The following HIVEP3 variants were observed in gnomAD, a reference collection of about 807,000 sequenced individuals.
HIVEP3 encodes HIVEP zinc finger 3.
A neutral mutation model predicts 152.8 loss-of-function variants in HIVEP3; 49 were observed. That is an observed-to-expected ratio of 0.32 (90% CI 0.26 to 0.41). The LOEUF (loss-of-function observed/expected upper bound fraction) is 0.41, where lower values mean the gene tolerates loss of function less well. Among genes scored for constraint, HIVEP3 ranks in the 10% least tolerant of loss-of-function variants. HIVEP3 has a pLI of 1.00. For missense variants in HIVEP3, 2,790 were observed against 3,103.3 expected, an observed-to-expected ratio of 0.90 and a Z score of 2.40; for synonymous variants, 1,269 against 1,289.0, an observed-to-expected ratio of 0.98 and a Z score of 0.33.
At chr1:41,984,977 A>G (rs1047096698) in intron 1 of HIVEP3, among the ~76,000 whole-genome samples, 2 of 144,208 alleles carry the variant, frequency 1.4e-5, no homozygotes, top group South Asian at 2.2e-4. Flanking sequence ...TCAGAGGACT[A>G]AAAAAAAAAA....
rs1645736653 is a variant in HIVEP3, at chr1:41,662,728, C to T, written c.-720-33781G>A. Among the ~76,000 whole-genome samples the T allele has an allele frequency of 6.6e-6, 1 of 151,786 alleles. No homozygotes were observed. Among genetic ancestry groups the T allele is most frequent in the African/African-American group, 2.4e-5 (1 of 41,374 alleles). On this transcript the variant is annotated intron_variant, in intron 2 of 8. Transcript: ENST00000372583. The surrounding 1 kb of genome is among the most constrained non-coding windows in gnomAD (Gnocchi z 7.2). The stretch of plus-strand genomic sequence containing the variant: ...CCTCCCTCCGCGCCCGCCCCGGCTC[C>T]GGCGCTGTCTTTTCCTCCTGGGCCC...
At chr1:41,792,110 T>C (rs956199813) in intron 1 of HIVEP3, among the ~76,000 whole-genome samples, 1 of 152,212 alleles carries the variant, frequency 6.6e-6, no homozygotes, top group African/African-American at 2.4e-5. Context: ...CATTTAGTCA[T>C]CCACCTGTAC....
intron 1 of HIVEP3, among the ~76,000 whole-genome samples, chr1:41,824,806 GAGAGAGAGAGAGAA>G (rs1430714464): frequency 0.21 from 3,986 of 18,572 alleles, 172 homozygotes; most frequent in East Asian, 0.32. Flanking sequence ...GAGAGAGAGA[GAGAGAGAGAGAGAA>G]AGAGAGAGAG....
intron 1 of HIVEP3, among the ~76,000 whole-genome samples, chr1:41,979,588 C>T (rs906956920): frequency 1.3e-5 from 2 of 152,110 alleles, no homozygotes; most frequent in African/African-American, 4.8e-5. Context: ...TTTGACATAT[C>T]ATTGCACCAC....
chr1:41,629,321 A>G (rs893179219), intron 2 of HIVEP3, among the ~76,000 whole-genome samples: 20 of 152,218 alleles, frequency 1.3e-4, no homozygotes, highest in African/African-American at 4.8e-4. Flanking sequence ...AAGCCCTTTA[A>G]AAACAGAATT....
intron 3 of HIVEP3, among the ~76,000 whole-genome samples, chr1:41,612,077 C>T (rs1264110968): frequency 6.6e-6 from 1 of 152,066 alleles, no homozygotes; most frequent in Non-Finnish European, 1.5e-5. Context: ...GCCTCCCCAC[C>T]TTCCTCCTCC....
At chr1:41,806,885 C>T (rs1271004776) in intron 1 of HIVEP3, among the ~76,000 whole-genome samples, 1 of 152,120 alleles carries the variant, frequency 6.6e-6, no homozygotes, top group Admixed American at 6.5e-5. Flanking sequence ...ATGATGTGCT[C>T]GCCACCCCTT....
chr1:41,605,082 G>T (rs1256466818), intron 3 of HIVEP3, among the ~76,000 whole-genome samples: 2 of 145,356 alleles, frequency 1.4e-5, no homozygotes, highest in African/African-American at 5.0e-5. Flanking sequence ...TCCAGTCTGG[G>T]TGACAGAATG....
At chr1:41,633,435 C>T (rs1273346512) in intron 2 of HIVEP3, among the ~76,000 whole-genome samples, 1 of 152,104 alleles carries the variant, frequency 6.6e-6, no homozygotes, top group East Asian at 1.9e-4. Context: ...CCTGAAATCC[C>T]CCCCAAAAAG....
intron 1 of HIVEP3, among the ~76,000 whole-genome samples, chr1:41,903,992 G>T (rs1557505562): frequency 6.6e-6 from 1 of 151,378 alleles, no homozygotes; most frequent in Non-Finnish European, 1.5e-5. Flanking sequence ...CACCTCCTGG[G>T]TTCAAGTGAC....
At chr1:41,545,245 C>A (rs1643725255) in intron 5 of HIVEP3, among the ~76,000 whole-genome samples, 1 of 138,434 alleles carries the variant, frequency 7.2e-6, no homozygotes, top group African/African-American at 2.7e-5. Context: ...ACCACCACCA[C>A]CAATACCACT....
At chr1:41,598,663 A>G (rs765599359) in intron 3 of HIVEP3, among the ~76,000 whole-genome samples, 3 of 152,236 alleles carry the variant, frequency 2.0e-5, no homozygotes, top group Non-Finnish European at 2.9e-5. Flanking sequence ...CAGGCCAGTA[A>G]GATGAAAACA....
At chr1:42,002,441 C>T (rs939013714) in intron 1 of HIVEP3, among the ~76,000 whole-genome samples, 4 of 152,168 alleles carry the variant, frequency 2.6e-5, no homozygotes, top group Admixed American at 6.5e-5. Context: ...CATGACACCT[C>T]GGTTGCTGGG....
chr1:41,996,566 T>C (rs1040333764), intron 1 of HIVEP3, among the ~76,000 whole-genome samples: 1 of 152,018 alleles, frequency 6.6e-6, no homozygotes, highest in African/African-American at 2.4e-5. Context: ...GGGTATCTCA[T>C]AGTATGGTAG....
chr1:41,775,529 C>T (rs185433610), intron 1 of HIVEP3, among the ~76,000 whole-genome samples: 4 of 151,996 alleles, frequency 2.6e-5, no homozygotes, highest in Non-Finnish European at 2.9e-5. Flanking sequence ...CTTACTCTGT[C>T]GCCCAGGCTG....
At chr1:41,539,210 C>T (rs113528473) in intron 5 of HIVEP3, among the ~76,000 whole-genome samples, 2 of 148,918 alleles carry the variant, frequency 1.3e-5, no homozygotes, top group African/African-American at 2.5e-5. Context: ...CATATTCCTC[C>T]GGCACCAGGG....
rs947262022 is a variant in HIVEP3, at chr1:41,966,547, C to G, written n.120-48023G>C. ...AGACTGCGGTGGCGCCATCTCGGCT[C>G]ACTGCAAGCCCCGCCTCCTGGGTTC... On this transcript the variant is annotated intron_variant and non_coding_transcript_variant, in intron 1 of 3. Transcript: ENST00000489103. Among the ~76,000 whole-genome samples, 99 of 141,564 alleles carry G rather than the reference C, an allele frequency of 7.0e-4. 2 individuals carry two copies. The highest frequency in any genetic ancestry group is 2.3e-3 in the African/African-American group (87 of 38,348). The allele number at this position is 141,564 out of a possible 152,430, so 92.9% of individuals were successfully genotyped here.
At chr1:41,656,446 A>G (rs943376) in intron 2 of HIVEP3, among the ~76,000 whole-genome samples, 98,993 of 152,024 alleles carry the variant, frequency 0.65, 32,542 homozygotes, top group East Asian at 0.99. Context: ...CCCTGGCCCC[A>G]ATTCCTTTGT....
chr1:41,996,698 T>C (rs1052002939), intron 1 of HIVEP3, among the ~76,000 whole-genome samples: 2 of 152,218 alleles, frequency 1.3e-5, no homozygotes, highest in African/African-American at 4.8e-5. Context: ...CTTGCTATAA[T>C]GAATTATCAC....
Sources: allele counts gnomAD v4.1 joint callset (sites outside exome capture counted in the v4.1 genomes callset), GRCh38; gene constraint gnomAD v4.1.1; non-coding constraint Gnocchi (gnomAD v3.1); transcripts MANE v1.5; gene names NCBI Gene and HGNC (gene_info 2026-07-23, HGNC 2026-07-21).